Variants in AOAH observed in about 807,000 individuals in gnomAD.
AOAH encodes the protein acyloxyacyl hydrolase (neutrophil).
A neutral mutation model predicts 92.2 loss-of-function variants in AOAH; 64 were observed. The ratio of observed to expected loss-of-function variants is 0.69; its 90% CI spans 0.57 to 0.86. The LOEUF is 0.86. AOAH is among the 40% of genes least tolerant of loss of function. The pLI, the probability that AOAH is intolerant of heterozygous loss-of-function variation, is 0.00. For synonymous variants in AOAH, 263 were observed against 254.5 expected (o/e 1.03, Z -0.32); for missense variants, 656 against 694.6 (o/e 0.94, Z 0.62).
In AOAH at chr7:36,724,396, G is replaced by C. The variant is rs1584205603; in HGVS notation, c.-248C>G. On this transcript the variant is annotated 5_prime_UTR_variant, in exon 1 of 21. Coordinates refer to ENST00000617537, the MANE Select transcript of AOAH (RefSeq NM_001637.4). ...TGAGAGAGCCACACACAAAGAGCTG[G>C]AGGGAGTCTGTGGTGTGCGGTTCTG... 2 of 379,478 alleles carry C rather than the reference G, an allele frequency of 5.3e-6. No homozygotes were observed. The highest frequency in any genetic ancestry group is 5.8e-5 in the East Asian group (1 of 17,204). 23.5% of individuals were successfully genotyped at this position (379,478 alleles called of 1,614,324 possible).
intron 11 of AOAH, among the ~76,000 whole-genome samples, chr7:36,608,661 G>T (rs957668841): frequency 5.9e-5 from 9 of 152,160 alleles, no homozygotes; most frequent in Non-Finnish European, 1.2e-4. Flanking sequence ...GTCAATGTCC[G>T]AGACTATTCT....
chr7:36,528,657 G>T (rs1029849219), intron 19 of AOAH, among the ~76,000 whole-genome samples: 1 of 152,210 alleles, frequency 6.6e-6, no homozygotes, highest in Non-Finnish European at 1.5e-5. Flanking sequence ...GTTGAGTGAC[G>T]TGATCACAAC....
At chr7:36,519,259 T>C (rs1007880856) in intron 20 of AOAH, among the ~76,000 whole-genome samples, 1 of 152,204 alleles carries the variant, frequency 6.6e-6, no homozygotes, top group South Asian at 2.1e-4. Flanking sequence ...TCCACGGTCA[T>C]ACTCTCTGGC....
chr7:36,604,107 TA>T (rs928765234), intron 11 of AOAH, among the ~76,000 whole-genome samples: 35 of 152,280 alleles, frequency 2.3e-4, no homozygotes, highest in East Asian at 1.5e-3. Flanking sequence ...GGAGCTCTTT[TA>T]TAAGAGTACC....
At chr7:36,631,350 C>CAAG (rs1554300634) in intron 6 of AOAH, among the ~76,000 whole-genome samples, 26 of 131,750 alleles carry the variant, frequency 2.0e-4, no homozygotes, top group African/African-American at 7.6e-4. Context: ...TCCATCATCT[C>CAAG]AAAAAAAAAA....
rs1798681687 is a variant in AOAH, at chr7:36,710,299, G to C, written c.127+13723C>G. The stretch of plus-strand genomic sequence containing the variant: ...ATATTCAGGGAACCCTTTAAATGTA[G>C]AGTTTTCTCTAGCTTGTTTTGAAAG... On this transcript the variant is annotated intron_variant, in intron 1 of 20. Coordinates refer to ENST00000617537, the MANE Select transcript of AOAH (RefSeq NM_001637.4). Among the ~76,000 whole-genome samples, 2 of 152,148 alleles carry C rather than the reference G, an allele frequency of 1.3e-5. 1 individual carries two copies. The highest frequency in any genetic ancestry group is 4.1e-4 in the South Asian group (2 of 4,830).
chr7:36,578,129 T>C (rs1219865896), intron 12 of AOAH, among the ~76,000 whole-genome samples: 2 of 152,226 alleles, frequency 1.3e-5, no homozygotes, highest in Non-Finnish European at 2.9e-5. Flanking sequence ...AGATGAATAA[T>C]GTATTTATTT....
chr7:36,594,518 C>G, intron 11 of AOAH, 88 bp from the exon 12 acceptor site: 3 of 1,073,524 alleles, frequency 2.8e-6, no homozygotes, highest in Non-Finnish European at 2.8e-6. Context: ...GTGTTGCTCT[C>G]TGTGTGTCTG....
intron 20 of AOAH, among the ~76,000 whole-genome samples, chr7:36,520,194 C>G (rs1454274753): frequency 1.3e-5 from 2 of 152,158 alleles, no homozygotes; most frequent in Non-Finnish European, 2.9e-5. Flanking sequence ...GACTTTGAAC[C>G]CCAAGATCAT....
chr7:36,587,783 T>A (rs866830717), intron 12 of AOAH, among the ~76,000 whole-genome samples: 2 of 152,214 alleles, frequency 1.3e-5, no homozygotes, highest in African/African-American at 4.8e-5. Context: ...CAAACAATAC[T>A]GTCAAACAAT....
intron 1 of AOAH, among the ~76,000 whole-genome samples, chr7:36,703,554 C>T (rs1798171534): frequency 6.6e-6 from 1 of 152,056 alleles, no homozygotes; most frequent in South Asian, 2.1e-4. Context: ...TGCCTCCCAC[C>T]CACCTACAGG....
At chr7:36,560,005 C>T (rs1196219210) in intron 13 of AOAH, among the ~76,000 whole-genome samples, 1 of 152,094 alleles carries the variant, frequency 6.6e-6, no homozygotes, top group Non-Finnish European at 1.5e-5. Flanking sequence ...TTCCCTATTG[C>T]CAATTTTTGT....
chr7:36,708,793 C>T (rs1187309172), intron 1 of AOAH, among the ~76,000 whole-genome samples: 1 of 152,116 alleles, frequency 6.6e-6, no homozygotes, highest in African/African-American at 2.4e-5. Flanking sequence ...ATTAGCCTGG[C>T]TTTCTAAGGA....
chr7:36,705,745 C>T (rs1344934233), intron 1 of AOAH, among the ~76,000 whole-genome samples: 1 of 152,084 alleles, frequency 6.6e-6, no homozygotes, highest in South Asian at 2.1e-4. Context: ...TACTACAAGG[C>T]TATAGGGCTA....
intron 4 of AOAH, among the ~76,000 whole-genome samples, chr7:36,640,795 C>T (rs1793846729): frequency 6.6e-6 from 1 of 152,112 alleles, no homozygotes; most frequent in South Asian, 2.1e-4. Flanking sequence ...GAAGCCACCA[C>T]TGGCTCCAAC....
chr7:36,527,583 A>G (rs1169546968), intron 19 of AOAH, among the ~76,000 whole-genome samples: 3 of 151,348 alleles, frequency 2.0e-5, no homozygotes. Context: ...CACACGGATG[A>G]TGGTGGTGGC....
chr7:36,593,942 A>G (rs899660913), intron 12 of AOAH, among the ~76,000 whole-genome samples: 1 of 152,230 alleles, frequency 6.6e-6, no homozygotes, highest in Non-Finnish European at 1.5e-5. Context: ...GTCTCTACCT[A>G]CAAATCTGGG....
At chr7:36,517,893 G>A (rs1282324512) in intron 20 of AOAH, among the ~76,000 whole-genome samples, 1 of 150,918 alleles carries the variant, frequency 6.6e-6, no homozygotes, top group Non-Finnish European at 1.5e-5. Flanking sequence ...GATCCACTAC[G>A]CCTGGCCCTG....
chr7:36,585,646 G>C (rs1347564769), intron 12 of AOAH, among the ~76,000 whole-genome samples: 1 of 152,164 alleles, frequency 6.6e-6, no homozygotes, highest in Non-Finnish European at 1.5e-5. Context: ...GGACAAGAAG[G>C]AAAAGAGCTC....
Sources: allele counts gnomAD v4.1 joint callset (sites outside exome capture counted in the v4.1 genomes callset), GRCh38; gene constraint gnomAD v4.1.1; transcripts MANE v1.5; gene names NCBI Gene and HGNC (gene_info 2026-07-23, HGNC 2026-07-21).